Variants in RNF40 observed in about 807,000 individuals in gnomAD.
RNF40 encodes the protein ring finger protein 40.
In RNF40, 39 loss-of-function variants were observed where a neutral mutation model predicts 123.3. The ratio of observed to expected loss-of-function variants is 0.32; its 90% CI spans 0.24 to 0.41. RNF40 has a LOEUF of 0.41. Among genes scored for constraint, RNF40 ranks in the 10% least tolerant of loss-of-function variants. The pLI is 1.00. For missense variants in RNF40, 1,003 were observed against 1,319.9 expected, an observed-to-expected ratio of 0.76 and a Z score of 3.72; for synonymous variants, 538 against 526.0, an observed-to-expected ratio of 1.02 and a Z score of -0.31.
Position 30,766,437 on chromosome 16 carries a change from T to C in RNF40, c.1172T>C (p.Leu391Pro). The C allele has an allele frequency of 1.2e-6, 2 of 1,614,008 alleles. No homozygotes were observed. The highest frequency in any genetic ancestry group is 1.7e-6 in the Non-Finnish European group (2 of 1,180,006). ...VVRETGEYRM[L>P]QAQFSLLYNE... ...CGGGAGACGGGGGAGTACCGCATGC[T>C]GCAGGCCCAATTCTCACTGCTCTAC... Residue 391 changes from leucine (L) to proline (P), a missense_variant, in exon 10 of 20, where the codon CTG (leucine) becomes CCG (proline). By Grantham distance (98) the Leu-to-Pro change is moderately conservative. Coordinates refer to ENST00000324685, the MANE Select transcript of RNF40 (RefSeq NM_014771.4). This position sits in a 1 kb window ranked among gnomAD's most constrained non-coding sequence, Gnocchi z 5.4.
rs1205092810 is a variant in RNF40, at chr16:30,766,314, G to A, written c.1113+32G>A. The A allele has an allele frequency of 6.2e-7, 1 of 1,613,968 alleles. No individual in the cohort carries two copies. The highest frequency in any genetic ancestry group is 8.5e-7 in the Non-Finnish European group (1 of 1,179,882). ...TGCTGTAGGGGCTGAGAGGTCCTGG[G>A]CCTGTAAGGGAGGGACTGAGCCCTG... On this transcript the variant is annotated intron_variant, in intron 9 of 19. Coordinates refer to ENST00000324685, the MANE Select transcript of RNF40 (RefSeq NM_014771.4). This position sits in a 1 kb window ranked among gnomAD's most constrained non-coding sequence, Gnocchi z 5.4.
Position 30,776,256 on chromosome 16 carries a change from C to T in RNF40, c.*2142C>T, listed in dbSNP as rs1326208682. 6.6e-6 allele frequency: 1 copy of T among 152,150 alleles called. No individual in the cohort carries two copies. The highest frequency in any genetic ancestry group is 2.1e-4 in the South Asian group (1 of 4,830). The allele number at this position is 152,150 out of a possible 1,614,324, so 9.4% of individuals were successfully genotyped here. A position where few individuals can be genotyped will look rare whatever the true frequency, so the allele number is the denominator to read the frequency against. ...CCACCCGGTCTCCTTATCAGAGGGG[C>T]AAAACTCTCCTCGTGGGTCTTCATA... On this transcript the variant is annotated 3_prime_UTR_variant, in exon 20 of 20. Coordinates refer to ENST00000324685, the MANE Select transcript of RNF40 (RefSeq NM_014771.4).
chr16:30,762,621 GAGA>G lies in RNF40; in HGVS notation c.80_82del (p.Lys27del). On this transcript the variant is annotated inframe_deletion, in exon 2 of 20. Coordinates refer to ENST00000324685, the MANE Select transcript of RNF40 (RefSeq NM_014771.4). ...CCCGGAAAAGAAGCTGAGTCGTGAGGAGAAGACCACCACGACTCTTATCGAGCC... is the reference window on the plus strand; with the variant it reads ...CCCGGAAAAGAAGCTGAGTCGTGAGGAGACCACCACGACTCTTATCGAGCC... The G allele has an allele frequency of 6.2e-7, 1 of 1,612,138 alleles. No individual in the cohort carries two copies. The highest frequency in any genetic ancestry group is 1.1e-5 in the South Asian group (1 of 90,952).
At chr16:30,767,085 A>C (rs570376918) in intron 11 of RNF40, among the ~76,000 whole-genome samples, 1 of 152,214 alleles carries the variant, frequency 6.6e-6, no homozygotes, top group African/African-American at 2.4e-5. Flanking sequence ...GCACATGCAG[A>C]GTCTGAGCTG....
intron 19 of RNF40, among the ~76,000 whole-genome samples, chr16:30,773,032 G>A (rs887336105): frequency 6.6e-6 from 1 of 152,170 alleles, no homozygotes; most frequent in African/African-American, 2.4e-5. Flanking sequence ...TACCATTTAG[G>A]GGGTTAGGAG....
At position 30,768,281 on chromosome 16, in the gene RNF40, TGAA is replaced by T. The variant is rs746411034; in HGVS notation, c.1735_1737del (p.Lys579del). On this transcript the variant is annotated inframe_deletion, in exon 13 of 20. Transcript: ENST00000324685. This position sits in a 1 kb window ranked among gnomAD's most constrained non-coding sequence, Gnocchi z 4.1. ...GGCACCACCACTACTACCACTTCAG[TGAA>T]GAAGGAGGAGCTGGTCCCCTCTGAA... 2 of 1,613,892 alleles carry T rather than the reference TGAA, an allele frequency of 1.2e-6. No individual in the cohort carries two copies. Among genetic ancestry groups the T allele is most frequent in the Non-Finnish European group, 1.7e-6 (2 of 1,180,010 alleles).
At chr16:30,771,661 G>T (rs2054150248) in intron 17 of RNF40, among the ~76,000 whole-genome samples, 172 bp from the exon 18 acceptor site, 1 of 152,072 alleles carries the variant, frequency 6.6e-6, no homozygotes, top group Non-Finnish European at 1.5e-5. Flanking sequence ...GCATCACACG[G>T]GAGGAACTGG....
At chr16:30,772,216 C>G in intron 19 of RNF40, 26 bp downstream of exon 19, 2 of 1,518,748 alleles carry the variant, frequency 1.3e-6, no homozygotes, top group Non-Finnish European at 1.8e-6. Context: ...AAGTTGTGCC[C>G]TATCCACCTG....
In RNF40 at chr16:30,765,329, TG is replaced by T; in HGVS notation, c.918+6del. The T allele has an allele frequency of 6.2e-7, 1 of 1,614,066 alleles. No homozygotes were observed. Among genetic ancestry groups the T allele is most frequent in the Non-Finnish European group, 8.5e-7 (1 of 1,179,976 alleles). On this transcript the variant is annotated splice_donor_region_variant and intron_variant, in intron 7 of 19. Coordinates refer to ENST00000324685, the MANE Select transcript of RNF40 (RefSeq NM_014771.4). ...CACCTGGCAGAGGCCTTAGAGCAGG[TG>T]GGGCAGGGGTGCTGGGGCAGGTGAG...
Position 30,768,564 on chromosome 16 carries a change from G to A in RNF40, c.1979+34G>A. Reference sequence around the variant, plus strand: ...CTGTTCCTGTCTCCTTCCTGACCCTGCCAGGTGGCCTCCAGTCCCACTCAC... The same window carrying A: ...CTGTTCCTGTCTCCTTCCTGACCCTACCAGGTGGCCTCCAGTCCCACTCAC... On this transcript the variant is annotated intron_variant, in intron 13 of 19. Transcript: ENST00000324685. This position sits in a 1 kb window ranked among gnomAD's most constrained non-coding sequence, Gnocchi z 4.1. The A allele has an allele frequency of 1.2e-6, 2 of 1,613,724 alleles. No individual in the cohort carries two copies. The highest frequency in any genetic ancestry group is 2.2e-5 in the South Asian group (2 of 91,084).
At chr16:30,765,998 T>C (rs1347523150) in intron 8 of RNF40, among the ~76,000 whole-genome samples, 165 bp from the exon 9 acceptor site, 1 of 152,208 alleles carries the variant, frequency 6.6e-6, no homozygotes, top group Non-Finnish European at 1.5e-5. Context: ...TATTGAATTT[T>C]CTCCCATTTT....
At position 30,765,204 on chromosome 16, in the gene RNF40, G is replaced by T. The variant is rs774253254; in HGVS notation, c.795G>T (p.Val265=). 2 of 1,614,232 alleles carry T rather than the reference G, an allele frequency of 1.2e-6. No individual in the cohort carries two copies. The highest frequency in any genetic ancestry group is 2.2e-5 in the South Asian group (2 of 91,082). ...AGTACTCCGAGCTCCAGGATAAAGT[G>T]ACATCGGCAGAGACCAAGGTGCTGG... ...SLEYSELQDK[V]TSAETKVLEM... is the part of the protein sequence containing the mutation. The change falls in exon 7 of 20, where the codon GTG becomes GTT. Residue 265 remains valine (V), a synonymous_variant. Transcript: ENST00000324685.
In RNF40 at chr16:30,766,684, C is replaced by T. The variant is rs2054038215; in HGVS notation, c.1294-57C>T. On this transcript the variant is annotated intron_variant, in intron 10 of 19. Transcript: ENST00000324685. This position sits in a 1 kb window ranked among gnomAD's most constrained non-coding sequence, Gnocchi z 5.4. ...TGGGGAATAGATTCTTCCTAAGATA[C>T]TGAGTCCTGAGGTGGGACCGAGGGG... 2.5e-6 allele frequency: 4 copies of T among 1,606,838 alleles called. No individual in the cohort carries two copies. The highest frequency in any genetic ancestry group is 3.4e-6 in the Non-Finnish European group (4 of 1,175,792).
chr16:30,767,851 C>CA, intron 11 of RNF40, 43 bp from the exon 12 acceptor site: 1 of 1,613,910 alleles, frequency 6.2e-7, no homozygotes, highest in Non-Finnish European at 8.5e-7. Flanking sequence ...AGTCCTAACC[C>CA]AGGAACTGGT....
At position 30,768,046 on chromosome 16, in the gene RNF40, G is replaced by A. The variant is rs544438943; in HGVS notation, c.1551+31G>A. 5 of 1,614,194 alleles carry A rather than the reference G, an allele frequency of 3.1e-6. No homozygotes were observed. In the African/African-American group the frequency reaches 6.7e-5, roughly 22 times the overall value. On this transcript the variant is annotated intron_variant, in intron 12 of 19. Transcript: ENST00000324685. The surrounding 1 kb of genome is among the most constrained non-coding windows in gnomAD (Gnocchi z 4.1). ...AAGGGGCCTGCCTGGGAAAAGGTTT[G>A]GCTAGACTCCAGTGAACACCATCTG... is the stretch of plus-strand genomic sequence containing the variant.
In RNF40 at chr16:30,768,903, C is replaced by T. The variant is rs1301652946; in HGVS notation, c.2163C>T (p.Ile721=). 16 of 1,614,054 alleles carry T rather than the reference C, an allele frequency of 9.9e-6. No individual in the cohort carries two copies. The highest frequency in any genetic ancestry group is 3.3e-5 in the South Asian group (3 of 91,082). The change falls in exon 15 of 20, where the codon ATC becomes ATT. Residue 721 remains isoleucine (I), a synonymous_variant. Transcript: ENST00000324685. This position sits in a 1 kb window ranked among gnomAD's most constrained non-coding sequence, Gnocchi z 4.1. The part of the protein sequence containing the change: ...EERDRRESKK[I]ADEDALRRIR... ...GGGATCGAAGGGAGAGCAAGAAGAT[C>T]GCGGATGAGGATGCCCTGCGGCGCA...
At position 30,775,073 on chromosome 16, in the gene RNF40, C is replaced by A. The variant is rs953900271; in HGVS notation, c.*959C>A. ...GCTCCATCGGCTGTGAGGGCAGTGC[C>A]CGGAGAGGCCAGAGGGTTGGAGCTG... On this transcript the variant is annotated 3_prime_UTR_variant, in exon 20 of 20. Transcript: ENST00000324685. The A allele has an allele frequency of 2.2e-6, 1 of 456,064 alleles. No individual in the cohort carries two copies. Among genetic ancestry groups the A allele is most frequent in the African/African-American group, 2.0e-5 (1 of 50,090 alleles). The allele number at this position is 456,064 out of a possible 1,614,324, so 28.3% of individuals were successfully genotyped here.
chr16:30,767,763 T>C (rs2054064947), intron 11 of RNF40, 131 bp from the exon 12 acceptor site: 3 of 1,219,108 alleles, frequency 2.5e-6, no homozygotes, highest in Middle Eastern at 2.0e-4. Context: ...GATGAGTTCA[T>C]GCTCCGTTGA....
chr16:30,765,564 C>T (rs2054012944), intron 8 of RNF40, 65 bp downstream of exon 8: 1 of 1,456,834 alleles, frequency 6.9e-7, no homozygotes, highest in South Asian at 1.2e-5. Context: ...TGAAATTCCC[C>T]TCAGGACAAA....
Sources: allele counts gnomAD v4.1 joint callset (sites outside exome capture counted in the v4.1 genomes callset), GRCh38; gene constraint gnomAD v4.1.1; non-coding constraint Gnocchi (gnomAD v3.1); transcripts MANE v1.5; gene names NCBI Gene and HGNC (gene_info 2026-07-23, HGNC 2026-07-21).